MICAL3: variants seen among roughly 807,000 people sequenced by gnomAD.
MICAL3 encodes [F-actin]-monooxygenase MICAL3.
In MICAL3, 62 loss-of-function variants were observed where a neutral mutation model predicts 207.4. That is an observed-to-expected ratio of 0.30 (90% CI 0.24 to 0.37). MICAL3 has a LOEUF of 0.37. Among genes scored for constraint, MICAL3 ranks in the 10% least tolerant of loss-of-function variants. The probability of loss-of-function intolerance (pLI) is 1.00; values close to 1 mark genes in which losing one functional copy is unlikely to be tolerated. For missense variants in MICAL3, 2,368 were observed against 2,635.6 expected (o/e 0.90, Z 2.22); for synonymous variants, 1,077 against 1,069.3 (o/e 1.01, Z -0.14).
rs1033603430 is a variant in MICAL3 at position 17,889,309 on chromosome 22, T to C, written c.1695-79A>G. 4.7e-6 allele frequency: 5 copies of C among 1,074,956 alleles called. No individual in the cohort carries two copies. The African/African-American group carries it at 7.9e-5, about 17-fold the overall frequency. The allele number at this position is 1,074,956 out of a possible 1,614,324, so 66.6% of individuals were successfully genotyped here. On this transcript the variant is annotated intron_variant, in intron 12 of 31. Transcript: ENST00000441493. ...GAAACGCAGTATCCTGGAGTCATCG[T>C]CCTTTCTCTGTTTTCAGCTAAAATC...
chr22:17,910,138 C>A (rs1158361995), intron 1 of MICAL3, among the ~76,000 whole-genome samples: 1 of 152,224 alleles, frequency 6.6e-6, no homozygotes, highest in African/African-American at 2.4e-5. Flanking sequence ...GCACTCAGAA[C>A]CATGACATTC....
At chr22:17,962,918 T>A (rs1458975751) in intron 1 of MICAL3, among the ~76,000 whole-genome samples, 1 of 152,000 alleles carries the variant, frequency 6.6e-6, no homozygotes, top group East Asian at 1.9e-4. Flanking sequence ...CCAGCTAAAT[T>A]TTTTTTTAAA....
Position 17,904,060 on chromosome 22 carries a change from C to T in MICAL3, c.472+572G>A, listed in dbSNP as rs559822771. On this transcript the variant is annotated intron_variant, in intron 3 of 31. Transcript: ENST00000441493. ...GCTGAGCTTAGAGGTGACAAAAGAA[C>T]AGCAAGAGCTTGCAGACCGCACAAG... 1.1e-3 allele frequency among the ~76,000 whole-genome samples: 161 copies of T among 152,366 alleles called. 1 individual carries two copies. Among genetic ancestry groups the T allele is most frequent in the African/African-American group, 3.8e-3 (157 of 41,582 alleles).
At chr22:17,931,074 G>C (rs1357130209) in intron 1 of MICAL3, among the ~76,000 whole-genome samples, 1 of 152,192 alleles carries the variant, frequency 6.6e-6, no homozygotes, top group Non-Finnish European at 1.5e-5. Flanking sequence ...CAGTGCTTCA[G>C]GCGACCAGTG....
intron 16 of MICAL3, among the ~76,000 whole-genome samples, chr22:17,874,089 G>C (rs1928010888): frequency 6.6e-6 from 1 of 152,220 alleles, no homozygotes; most frequent in African/African-American, 2.4e-5. Context: ...GCGCTCGAGG[G>C]GCTCACAGAT....
chr22:17,797,877 CCTG>C (rs1205177668), intron 29 of MICAL3, among the ~76,000 whole-genome samples: 2 of 152,264 alleles, frequency 1.3e-5, no homozygotes, highest in Non-Finnish European at 2.9e-5. Context: ...GTCCTCCAGG[CCTG>C]CTGGACAACT....
chr22:17,849,634 C>A (rs1925024485), intron 19 of MICAL3, among the ~76,000 whole-genome samples: 1 of 143,186 alleles, frequency 7.0e-6, no homozygotes, highest in Non-Finnish European at 1.5e-5. Context: ...TGTGCCTGGC[C>A]CAGAATGGAA....
chr22:17,839,124 A>T (rs1315401972), intron 20 of MICAL3, among the ~76,000 whole-genome samples: 1 of 149,992 alleles, frequency 6.7e-6, no homozygotes, highest in Non-Finnish European at 1.5e-5. Context: ...GATAATTTTC[A>T]TATTTTTTGT....
intron 1 of MICAL3, among the ~76,000 whole-genome samples, chr22:17,936,631 T>C (rs78847771): frequency 2.1e-3 from 327 of 152,112 alleles, no homozygotes; most frequent in African/African-American, 7.5e-3. Context: ...ATCTTGATTA[T>C]GGAGATTATG....
At chr22:17,935,776 G>C (rs574106864) in intron 1 of MICAL3, among the ~76,000 whole-genome samples, 1 of 152,286 alleles carries the variant, frequency 6.6e-6, no homozygotes, top group South Asian at 2.1e-4. Flanking sequence ...AATATGAACA[G>C]ACACTTCTCA....
intron 16 of MICAL3, among the ~76,000 whole-genome samples, chr22:17,877,713 A>G (rs1365609575): frequency 6.6e-6 from 1 of 152,028 alleles, no homozygotes; most frequent in Admixed American, 6.5e-5. Context: ...GGAAAAAGAG[A>G]GAAACATCTC....
chr22:17,963,374 G>C lies in MICAL3; in HGVS notation c.-74-56488C>G, dbSNP rs142070865. ...ACTGTTAGGGACACCCATGGCGTGA[G>C]ATGAAATGACAGCCATCTCCATTCT... On this transcript the variant is annotated intron_variant, in intron 1 of 31. Coordinates refer to ENST00000441493, the MANE Select transcript of MICAL3 (RefSeq NM_015241.3). Among the ~76,000 whole-genome samples the C allele has an allele frequency of 5.3e-5, 8 of 152,274 alleles. No individual in the cohort carries two copies. The East Asian group carries it at 1.5e-3, about 29-fold the overall frequency.
chr22:17,923,435 T>A (rs1219391229), intron 1 of MICAL3, among the ~76,000 whole-genome samples: 3 of 152,192 alleles, frequency 2.0e-5, no homozygotes, highest in Non-Finnish European at 4.4e-5. Flanking sequence ...CTTATTAATC[T>A]TTACTCAATT....
At chr22:17,792,275 C>T (rs2061832090) in intron 29 of MICAL3, among the ~76,000 whole-genome samples, 1 of 152,232 alleles carries the variant, frequency 6.6e-6, no homozygotes, top group African/African-American at 2.4e-5. Context: ...TTACAAACCA[C>T]TTTGAGAATC....
At chr22:17,875,549 C>A in intron 16 of MICAL3, 1 of 1,547,344 alleles carries the variant, frequency 6.5e-7, no homozygotes, top group African/African-American at 1.4e-5. Context: ...GAGGTTCAGG[C>A]TCTGGCTATA....
rs576006634 is a variant in MICAL3, at chr22:17,825,583, C to T, written c.3193+2061G>A. Among the ~76,000 whole-genome samples, 19 of 152,298 alleles carry T rather than the reference C, an allele frequency of 1.2e-4. 1 individual carries two copies. Among genetic ancestry groups the T allele is most frequent in the African/African-American group, 3.4e-4 (14 of 41,558 alleles). On this transcript the variant is annotated intron_variant, in intron 22 of 31. Coordinates refer to ENST00000441493, the MANE Select transcript of MICAL3 (RefSeq NM_015241.3). Reference sequence around the variant, plus strand: ...TGTGTGTGCCTGTTTCTCCCACTGCCGGGAGGACACAGGGACAGGCTGCTG... The same window carrying T: ...TGTGTGTGCCTGTTTCTCCCACTGCTGGGAGGACACAGGGACAGGCTGCTG...
intron 21 of MICAL3, among the ~76,000 whole-genome samples, chr22:17,829,826 G>A (rs1186412686): frequency 6.6e-6 from 1 of 152,178 alleles, no homozygotes; most frequent in Non-Finnish European, 1.5e-5. Flanking sequence ...CATTCCATGA[G>A]GCCACTTCTG....
At chr22:17,949,008 G>A (rs917900301) in intron 1 of MICAL3, among the ~76,000 whole-genome samples, 1 of 151,292 alleles carries the variant, frequency 6.6e-6, no homozygotes. Context: ...TCTGAAGTTC[G>A]AGACCAACCT....
intron 1 of MICAL3, among the ~76,000 whole-genome samples, chr22:17,939,242 C>T (rs926226554): frequency 2.6e-5 from 4 of 152,176 alleles, no homozygotes; most frequent in Non-Finnish European, 4.4e-5. Flanking sequence ...TTGGACTTCC[C>T]AGCCTCCATA....
Sources: gnomAD v4.1 joint callset for allele counts (sites outside exome capture counted in the v4.1 genomes callset) on GRCh38, gnomAD v4.1.1 for gene constraint, MANE v1.5 for transcripts, NCBI Gene and HGNC (gene_info 2026-07-23, HGNC 2026-07-21) for gene names.